Variants in NR4A1 observed in about 807,000 individuals in gnomAD.
NR4A1 encodes nuclear receptor subfamily 4 group A member 1, also known as nuclear receptor subfamily 4immunitygroup A member 1.
In NR4A1, 24 loss-of-function variants were observed where a neutral mutation model predicts 47.5. That is an observed-to-expected ratio of 0.50 (90% confidence interval 0.37 to 0.71). The LOEUF (loss-of-function observed/expected upper bound fraction) is 0.71. NR4A1 is among the 30% of genes least tolerant of loss of function. The pLI is 0.00. For synonymous variants in NR4A1, 353 were observed against 345.7 expected, an observed-to-expected ratio of 1.02 and a Z score of -0.24; for missense variants, 669 against 788.6, an observed-to-expected ratio of 0.85 and a Z score of 1.82.
chr12:52,057,453 C>G lies in NR4A1; in HGVS notation c.1463C>G (p.Ala488Gly). The G allele has an allele frequency of 6.2e-7, 1 of 1,614,224 alleles. No individual in the cohort carries two copies. The highest frequency in any genetic ancestry group is 1.1e-5 in the South Asian group (1 of 91,084). Residue 488 changes from alanine (A) to glycine (G), a missense_variant, in exon 6 of 7, where the codon GCC becomes GGC. Coordinates refer to ENST00000394825, the MANE Select transcript of NR4A1 (RefSeq NM_173157.3). ...GGGGACTGGATTGACAGTATCCTGG[C>G]CTTCTCAAGGTCCCTGCACAGCTTG... ...GFGDWIDSILAFSRSLHSLLV... is the reference protein window; with the variant it reads ...GFGDWIDSILGFSRSLHSLLV...
chr12:52,031,654 A>C (rs1004001110), intron 1 of NR4A1, among the ~76,000 whole-genome samples: 2 of 152,038 alleles, frequency 1.3e-5, no homozygotes, highest in African/African-American at 4.8e-5. Flanking sequence ...ACAAACAAAC[A>C]AATAAAAAAG....
At chr12:52,052,512 G>A in intron 1 of NR4A1, 1 of 985,402 alleles carries the variant, frequency 1.0e-6, no homozygotes, top group African/African-American at 1.7e-5. Context: ...TGCAGCCTGA[G>A]GCTTGTTCAG....
intron 1 of NR4A1, chr12:52,053,568 A>ACCGATGAGGAGGCCTAGGTTC (rs3837474): frequency 0.14 from 20,890 of 151,748 alleles, 2,035 homozygotes; most frequent in African/African-American, 0.28. Context: ...GAGCCAGGTT[A>ACCGATGAGGAGGCCTAGGTTC]CCGATGAGGA....
chr12:52,055,299 C>G (rs1325251105), intron 2 of NR4A1, 95 bp downstream of exon 2: 4 of 1,512,100 alleles, frequency 2.6e-6, no homozygotes, highest in Non-Finnish European at 3.6e-6. Context: ...GGTTCTCCTC[C>G]TAGCTAAGTC....
chr12:52,043,790 C>T (rs764777211), intron 2 of NR4A1: 1 of 1,287,936 alleles, frequency 7.8e-7, no homozygotes, highest in Non-Finnish European at 1.0e-6. Flanking sequence ...GGCAGCACGT[C>T]TCTCCCCACA....
At chr12:52,043,359 C>T (rs1938508565) in intron 2 of NR4A1, 1 of 180,706 alleles carries the variant, frequency 5.5e-6, no homozygotes, top group Non-Finnish European at 1.2e-5. Flanking sequence ...CCTCTGGGTA[C>T]ACAGCAGCCC....
chr12:52,058,831 C>G lies in NR4A1; in HGVS notation c.1684C>G (p.Leu562Val), dbSNP rs771251157. The change falls in exon 7 of 7, where the codon CTG (leucine) becomes GTG (valine). Residue 562 changes from leucine (L) to valine (V), a missense_variant. Leu to Val is a conservative substitution (Grantham distance 32). Coordinates refer to ENST00000394825, the MANE Select transcript of NR4A1 (RefSeq NM_173157.3). ...LSRLLGKLPE[L>V]RTLCTQGLQR... ...ACGTCTGTTGGGCAAACTGCCCGAG[C>G]TGCGGACCCTGTGCACCCAGGGCCT... 4 of 1,613,098 alleles carry G rather than the reference C, an allele frequency of 2.5e-6. No homozygotes were observed. The Admixed American group carries it at 5.0e-5, about 20-fold the overall frequency.
intron 1 of NR4A1, among the ~76,000 whole-genome samples, chr12:52,031,941 T>C (rs575473490): frequency 1.3e-5 from 2 of 151,994 alleles, no homozygotes; most frequent in Admixed American, 1.3e-4. Context: ...GGATTACAGG[T>C]GCCCGCCACC....
Position 52,051,581 on chromosome 12 carries a change from C to T in NR4A1, c.-3+13C>T. 1.0e-6 allele frequency: 1 copy of T among 985,642 alleles called. No homozygotes were observed. The allele number at this position is 985,642 out of a possible 1,614,324, so 61.1% of individuals were successfully genotyped here. A position where few individuals can be genotyped will look rare whatever the true frequency, so the allele number is the denominator to read the frequency against. Reference sequence around the variant, plus strand: ...GGGAGCCGGCCGGGTAGGTTCCCTTCGGGGAACGTGCATCTGTTTTTAGGA... The same window carrying T: ...GGGAGCCGGCCGGGTAGGTTCCCTTTGGGGAACGTGCATCTGTTTTTAGGA... On this transcript the variant is annotated intron_variant, in intron 1 of 6. Coordinates refer to ENST00000394825, the MANE Select transcript of NR4A1 (RefSeq NM_173157.3).
Position 52,054,318 on chromosome 12 carries a change from T to G in NR4A1, c.-2-9T>G, listed in dbSNP as rs1939128343. 2 of 1,592,304 alleles carry G rather than the reference T, an allele frequency of 1.3e-6. No homozygotes were observed. Among genetic ancestry groups the G allele is most frequent in the African/African-American group, 2.7e-5 (2 of 74,374 alleles). ...TCCTTTCCCTCCCTGGGGTCTCCTC[T>G]CTCTCCAGAGATGCCCTGTATCCAA... On this transcript the variant is annotated splice_polypyrimidine_tract_variant and intron_variant, in intron 1 of 6. Transcript: ENST00000394825.
upstream of NR4A1, among the ~76,000 whole-genome samples, chr12:52,048,329 T>C (rs550034500): frequency 1.6e-4 from 24 of 151,952 alleles, no homozygotes; most frequent in South Asian, 3.3e-3. Flanking sequence ...GTACAGTGGC[T>C]CATGCCTGTA....
At chr12:52,025,249 TG>T (rs1565636388) in intron 1 of NR4A1, among the ~76,000 whole-genome samples, 1 of 152,016 alleles carries the variant, frequency 6.6e-6, no homozygotes, top group Non-Finnish European at 1.5e-5. Flanking sequence ...TTAGTAGAGA[TG>T]GGGTTTCGCC....
intron 1 of NR4A1, among the ~76,000 whole-genome samples, chr12:52,024,655 G>A (rs1937968042): frequency 6.6e-6 from 1 of 152,102 alleles, no homozygotes; most frequent in African/African-American, 2.4e-5. Flanking sequence ...ACTGGCCACT[G>A]CACTCCAGCC....
rs758466464 is a variant in NR4A1 at position 52,058,893 on chromosome 12, G to A, written c.1746G>A (p.Val582=). Residue 582 remains valine, a synonymous_variant, in exon 7 of 7, where the codon GTG becomes GTA. Coordinates refer to ENST00000394825, the MANE Select transcript of NR4A1 (RefSeq NM_173157.3). ...RIFYLKLEDL[V]PPPPIIDKIF... ...TCTACCTCAAGCTGGAGGACTTGGT[G>A]CCCCCTCCACCCATCATTGACAAGA... 12 of 1,613,892 alleles carry A rather than the reference G, an allele frequency of 7.4e-6. No homozygotes were observed. The highest frequency in any genetic ancestry group is 1.7e-5 in the Admixed American group (1 of 60,002).
intron 2 of NR4A1, 160 bp from the exon 3 acceptor site, chr12:52,055,870 C>G (rs529471274): frequency 6.4e-6 from 3 of 469,010 alleles, no homozygotes; most frequent in Admixed American, 3.9e-5. Flanking sequence ...CGCCCAACCC[C>G]GTCTCTCCCT....
chr12:52,054,380 C>T lies in NR4A1; in HGVS notation c.52C>T (p.Arg18Cys), dbSNP rs377043577. ...GACACCAGCACCGAGTCCGGGACCC[C>T]GTGACCACCTGGCAAGCGACCCCCT... The part of the protein sequence containing the change: ...YGTPAPSPGP[R>C]DHLASDPLTP... The change falls in exon 2 of 7, where the codon CGT becomes TGT. Residue 18 changes from arginine to cysteine, a missense_variant. Physicochemically the swap from Arg to Cys is radical, Grantham distance 180. Coordinates refer to ENST00000394825, the MANE Select transcript of NR4A1 (RefSeq NM_173157.3). The T allele has an allele frequency of 1.4e-4, 218 of 1,613,500 alleles. No homozygotes were observed. In the Middle Eastern group the frequency reaches 2.8e-3, roughly 21 times the overall value.
chr12:52,051,376 A>T, upstream of NR4A1: 1 of 985,282 alleles, frequency 1.0e-6, no homozygotes, highest in Non-Finnish European at 1.2e-6. Flanking sequence ...GGCCTGCGTC[A>T]GTGGCGCCCC....
chr12:52,058,541 T>TA (rs1401821014), intron 6 of NR4A1, 147 bp from the exon 7 acceptor site: 2 of 1,045,950 alleles, frequency 1.9e-6, no homozygotes, highest in African/African-American at 3.3e-5. Context: ...CGATGCTTAC[T>TA]AATGGCCAAC....
intron 2 of NR4A1, chr12:52,043,941 T>TG (rs1258614119): frequency 1.1e-5 from 14 of 1,287,544 alleles, no homozygotes; most frequent in Non-Finnish European, 1.4e-5. Flanking sequence ...CATTGAGGAA[T>TG]GGGAGCTGGG....
Sources: gnomAD v4.1 joint callset for allele counts (sites outside exome capture counted in the v4.1 genomes callset) on GRCh38, gnomAD v4.1.1 for gene constraint, MANE v1.5 for transcripts, NCBI Gene and HGNC (gene_info 2026-07-23, HGNC 2026-07-21) for gene names.